TJP1: variants seen among roughly 807,000 people sequenced by gnomAD.
TJP1 encodes tight junction protein 1.
TJP1 carries 43 observed loss-of-function variants against 194.2 expected under a neutral mutation model. That is an observed-to-expected ratio of 0.22 (90% confidence interval 0.17 to 0.29). The LOEUF is 0.29. Ranked by LOEUF, TJP1 falls within the 10% of genes least tolerant of loss-of-function variation. TJP1 has a pLI of 1.00. For synonymous variants in TJP1, 801 were observed against 779.0 expected (o/e 1.03, Z -0.47); for missense variants, 1,971 against 2,185.7 (o/e 0.90, Z 1.96).
intron 2 of TJP1, among the ~76,000 whole-genome samples, chr15:29,937,140 T>C (rs763352694): frequency 5.9e-5 from 9 of 152,336 alleles, no homozygotes; most frequent in Non-Finnish European, 1.0e-4. Context: ...CTCTATTATA[T>C]TTCATAACCA....
chr15:29,733,030 G>C, intron 13 of TJP1, 64 bp downstream of exon 13: 1 of 1,527,306 alleles, frequency 6.5e-7, no homozygotes. Context: ...TTTCCCAGTG[G>C]GATTGAAATG....
In TJP1 at chr15:29,718,965, G is replaced by A. The variant is rs769948515; in HGVS notation, c.3177C>T (p.Tyr1059=). 17 of 1,614,052 alleles carry A rather than the reference G, an allele frequency of 1.1e-5. No individual in the cohort carries two copies. Among genetic ancestry groups the A allele is most frequent in the Admixed American group, 3.3e-5 (2 of 60,000 alleles). The change falls in exon 21 of 28, where the codon TAC becomes TAT. Residue 1059 remains tyrosine (Y), a synonymous_variant. Transcript: ENST00000614355. ...QASRDLEQPT[Y]RYESSSYTDQ... The stretch of plus-strand genomic sequence containing the variant: ...CCGTATAGCTTGAGGACTCGTATCT[G>A]TATGTGGGCTGCTCGAGGTCTCTGC...
chr15:29,742,090 CA>C (rs562071033), intron 9 of TJP1, among the ~76,000 whole-genome samples: 1 of 151,926 alleles, frequency 6.6e-6, no homozygotes, highest in South Asian at 2.1e-4. Context: ...AGAAAACCCA[CA>C]AAAAAACCCC....
Position 29,705,107 on chromosome 15 carries a change from G to C in TJP1, c.5068+421C>G, listed in dbSNP as rs533041676. 2.2e-4 allele frequency among the ~76,000 whole-genome samples: 33 copies of C among 152,308 alleles called. 1 individual carries two copies. In the South Asian group the frequency reaches 6.6e-3, roughly 31 times the overall value. On this transcript the variant is annotated intron_variant, in intron 26 of 27. Coordinates refer to ENST00000614355, the MANE Select transcript of TJP1 (RefSeq NM_001330239.4). ...AGCATGTACTAGTGCTAGGTTCTGG[G>C]GTGATGAATAAGACAGTACCTGTCA...
At chr15:29,777,438 C>A (rs2047086794) in intron 2 of TJP1, among the ~76,000 whole-genome samples, 1 of 151,904 alleles carries the variant, frequency 6.6e-6, no homozygotes, top group Non-Finnish European at 1.5e-5. Context: ...ACAGACCATA[C>A]TTTGAAAATG....
At chr15:29,783,943 A>G (rs2151751848) in intron 2 of TJP1, among the ~76,000 whole-genome samples, 1 of 152,294 alleles carries the variant, frequency 6.6e-6, no homozygotes, top group East Asian at 1.9e-4. Context: ...TGTACCCTGA[A>G]CCTAAAATGA....
At chr15:29,908,007 T>A (rs60419830) in intron 2 of TJP1, among the ~76,000 whole-genome samples, 8,628 of 92,324 alleles carry the variant, frequency 0.093, 308 homozygotes, top group Middle Eastern at 0.18. Context: ...AAAACACCGA[T>A]AGAAATTTGG....
intron 2 of TJP1, among the ~76,000 whole-genome samples, chr15:29,869,527 A>C (rs563944763): frequency 2.4e-4 from 37 of 152,244 alleles, no homozygotes; most frequent in African/African-American, 8.7e-4. Context: ...CCCACTACCC[A>C]AGGTTCTGCA....
intron 8 of TJP1, among the ~76,000 whole-genome samples, chr15:29,752,431 G>A (rs1482768849): frequency 6.6e-6 from 1 of 152,034 alleles, no homozygotes; most frequent in East Asian, 1.9e-4. Flanking sequence ...CGGGATATAT[G>A]ATAAATATTG....
chr15:29,898,485 T>A (rs1288934044), intron 2 of TJP1, among the ~76,000 whole-genome samples: 4 of 152,226 alleles, frequency 2.6e-5, no homozygotes, highest in African/African-American at 9.6e-5. Context: ...TCCCTCAGAT[T>A]TTTTTTGAAA....
chr15:29,891,053 G>C (rs1217113876), intron 2 of TJP1, among the ~76,000 whole-genome samples: 1 of 152,230 alleles, frequency 6.6e-6, no homozygotes, highest in Non-Finnish European at 1.5e-5. Context: ...CTTTTCCAAA[G>C]ATACTTTTTG....
intron 2 of TJP1, among the ~76,000 whole-genome samples, chr15:29,850,955 T>C (rs1241332778): frequency 6.6e-6 from 1 of 152,074 alleles, no homozygotes. Flanking sequence ...CTGGCCAATA[T>C]GGTGAAACGC....
At chr15:29,843,541 T>G (rs2051305029) in intron 2 of TJP1, among the ~76,000 whole-genome samples, 1 of 152,210 alleles carries the variant, frequency 6.6e-6, no homozygotes, top group African/African-American at 2.4e-5. Flanking sequence ...CAACCATTCC[T>G]AAGATGAAGA....
At chr15:29,836,925 C>T (rs2051053106) in intron 2 of TJP1, among the ~76,000 whole-genome samples, 1 of 152,232 alleles carries the variant, frequency 6.6e-6, no homozygotes, top group African/African-American at 2.4e-5. Context: ...AGACACCAAA[C>T]CCACTGGCGC....
chr15:29,706,913 C>T (rs1476327457), intron 25 of TJP1, among the ~76,000 whole-genome samples: 3 of 152,122 alleles, frequency 2.0e-5, no homozygotes, highest in African/African-American at 7.2e-5. Context: ...CCTCAACCTC[C>T]GAAAGTGCTG....
At chr15:29,805,107 G>A (rs2049030717) in intron 1 of TJP1, among the ~76,000 whole-genome samples, 1 of 152,200 alleles carries the variant, frequency 6.6e-6, no homozygotes, top group Admixed American at 6.5e-5. Context: ...TGCAATTCAT[G>A]GTTGCTGGAT....
At chr15:29,930,297 T>C (rs2054665802) in intron 2 of TJP1, among the ~76,000 whole-genome samples, 1 of 152,110 alleles carries the variant, frequency 6.6e-6, no homozygotes. Flanking sequence ...AGCATGAACA[T>C]CTCACTTACT....
intron 4 of TJP1, among the ~76,000 whole-genome samples, chr15:29,769,600 TAC>T (rs969199058): frequency 1.3e-5 from 2 of 152,118 alleles, no homozygotes; most frequent in Admixed American, 1.3e-4. Flanking sequence ...TGTGGATACC[TAC>T]ACAGTCATGC....
At chr15:29,855,349 G>C (rs2051806408) in intron 2 of TJP1, among the ~76,000 whole-genome samples, 1 of 152,120 alleles carries the variant, frequency 6.6e-6, no homozygotes. Context: ...TTTGAGTGAA[G>C]TTAATCAAAT....
Sources: gnomAD v4.1 joint callset for allele counts (sites outside exome capture counted in the v4.1 genomes callset) on GRCh38, gnomAD v4.1.1 for gene constraint, MANE v1.5 for transcripts, NCBI Gene and HGNC (gene_info 2026-07-23, HGNC 2026-07-21) for gene names.